The following HSPG2 variants were observed in gnomAD, a reference collection of about 807,000 sequenced individuals.
The protein encoded by HSPG2 is basement membrane-specific heparan sulfate proteoglycan core protein.
In HSPG2, 278 loss-of-function variants were observed where a neutral mutation model predicts 526.6. That is an observed-to-expected ratio of 0.53 (90% CI 0.48 to 0.58). The LOEUF is 0.58. Among genes scored for constraint, HSPG2 ranks in the 20% least tolerant of loss-of-function variants. The probability of loss-of-function intolerance (pLI) is 0.00; values close to 1 mark genes in which losing one functional copy is unlikely to be tolerated. For synonymous variants in HSPG2, 2,465 were observed against 2,555.4 expected, an observed-to-expected ratio of 0.96 and a Z score of 1.07; for missense variants, 5,354 against 6,099.5, an observed-to-expected ratio of 0.88 and a Z score of 4.07.
intron 87 of HSPG2, 149 bp from the exon 88 acceptor site, chr1:21,829,228 G>A (rs1244004444): frequency 2.9e-6 from 4 of 1,386,122 alleles, no homozygotes; most frequent in Non-Finnish European, 4.0e-6. Context: ...GAGGGCTAGG[G>A]ATTGGCCTCA....
rs1340989694 is a variant in HSPG2, at chr1:21,881,339, C to A, written c.1818G>T (p.Lys606Asn). Residue 606 changes from lysine (K) to asparagine (N), a missense_variant and splice_region_variant, in exon 14 of 97, where the codon AAG becomes AAT. Physicochemically the swap from Lys to Asn is moderately conservative, Grantham distance 94 (BLOSUM62 0). Transcript: ENST00000374695. ...WALPEQFLGN[K>N]VDSYGGSLRY... ...CAGGGTGGCAGCCCAGGCCCCTCACCTTGTTGCCCAGGAACTGTTCAGGCA... is the reference window on the plus strand; with the variant it reads ...CAGGGTGGCAGCCCAGGCCCCTCACATTGTTGCCCAGGAACTGTTCAGGCA... 1.9e-6 allele frequency: 3 copies of A among 1,613,476 alleles called. No individual in the cohort carries two copies. The highest frequency in any genetic ancestry group is 1.7e-5 in the Admixed American group (1 of 59,966).
chr1:21,872,743 G>A lies in HSPG2; in HGVS notation c.3906C>T (p.Leu1302=). The A allele has an allele frequency of 6.2e-7, 1 of 1,609,414 alleles. No individual in the cohort carries two copies. Among genetic ancestry groups the A allele is most frequent in the Non-Finnish European group, 8.5e-7 (1 of 1,178,620 alleles). Residue 1302 remains leucine (L), a synonymous_variant, in exon 32 of 97, where the codon CTC becomes CTT. Transcript: ENST00000374695. The surrounding 1 kb of genome is among the most constrained non-coding windows in gnomAD (Gnocchi z 5.5). ...GGTGGGGCCGGCAGTGGCTGCAAGTGAGGCCTTCCACCTGGGCCTGGGTAG... is the reference window on the plus strand; with the variant it reads ...GGTGGGGCCGGCAGTGGCTGCAAGTAAGGCCTTCCACCTGGGCCTGGGTAG... The part of the protein sequence containing the change: ...QCQCKAQVEG[L]TCSHCRPHHF...
At position 21,834,671 on chromosome 1, in the gene HSPG2, G is replaced by A; in HGVS notation, c.10720+8C>T. 6.2e-7 allele frequency: 1 copy of A among 1,613,946 alleles called. No individual in the cohort carries two copies. Reference sequence around the variant, plus strand: ...TGTCCCCCAACAAAAGTCCCCACTGGCCTTCACCTTGCACAAGCAGCAGGA... The same window carrying A: ...TGTCCCCCAACAAAAGTCCCCACTGACCTTCACCTTGCACAAGCAGCAGGA... On this transcript the variant is annotated splice_region_variant and intron_variant, in intron 77 of 96. Transcript: ENST00000374695.
At position 21,828,936 on chromosome 1, in the gene HSPG2, G is replaced by A; in HGVS notation, c.12136C>T (p.Leu4046Phe). 6.4e-7 allele frequency: 1 copy of A among 1,572,256 alleles called. No homozygotes were observed. Among genetic ancestry groups the A allele is most frequent in the Non-Finnish European group, 8.6e-7 (1 of 1,158,850 alleles). Residue 4046 changes from leucine to phenylalanine, a missense_variant, in exon 88 of 97, where the codon CTC becomes TTC. By Grantham distance (22) the Leu-to-Phe change is conservative (BLOSUM62 0). Transcript: ENST00000374695. This position sits in a 1 kb window ranked among gnomAD's most constrained non-coding sequence, Gnocchi z 6.0. The stretch of plus-strand genomic sequence containing the variant: ...AGGTAGAGCAGGGTGTGCAGGTTGA[G>A]GCCCTGGCTCTTGCCGGGCGAGGAG... ...LRSSPGKSQG[L>F]NLHTLLYLGG... is the part of the protein sequence containing the mutation.
intron 21 of HSPG2, 68 bp downstream of exon 21, chr1:21,878,118 C>T: frequency 4.2e-6 from 6 of 1,437,344 alleles, no homozygotes; most frequent in Non-Finnish European, 4.9e-6. Flanking sequence ...ACGGAGCTTC[C>T]TTCTTCCTCC....
At chr1:21,921,839 A>C (rs1224130781) in intron 1 of HSPG2, among the ~76,000 whole-genome samples, 1 of 152,202 alleles carries the variant, frequency 6.6e-6, no homozygotes, top group African/African-American at 2.4e-5. Flanking sequence ...TGCTATCCCT[A>C]GGGAAGGTCC....
chr1:21,852,199 G>A lies in HSPG2; in HGVS notation c.6759C>T (p.Ser2253=), dbSNP rs369871491. The A allele has an allele frequency of 2.4e-5, 38 of 1,613,992 alleles. No homozygotes were observed. The highest frequency in any genetic ancestry group is 1.7e-4 in the Admixed American group (10 of 60,010). The change falls in exon 53 of 97, where the codon TCC becomes TCT. Residue 2253 remains serine (S), a synonymous_variant. Transcript: ENST00000374695. The part of the protein sequence containing the change: ...PIPPVRIESS[S]STVAEGQTLD... ...GGGTCTGGCCCTCGGCCACTGTGGA[G>A]GATGAAGACTCGATCCTGACAGGTG...
At chr1:21,854,580 G>C (rs1420401985) in intron 49 of HSPG2, 31 bp downstream of exon 49, 1 of 1,540,096 alleles carries the variant, frequency 6.5e-7, no homozygotes, top group Admixed American at 2.0e-5. Flanking sequence ...TGCACCCTGG[G>C]TCCCCTGCCA....
At position 21,854,243 on chromosome 1, in the gene HSPG2, A is replaced by C; in HGVS notation, c.6389T>G (p.Ile2130Ser). ...GGTGCCGTGGAGCACAGACACAGTA[A>C]TGGAGGCCTCCTTGGGGCCCGATCC... ...ENGSGPKEAS[I>S]TVSVLHGTHS... The change falls in exon 50 of 97, where the codon ATT (isoleucine) becomes AGT (serine). Residue 2130 changes from isoleucine (I) to serine (S), a missense_variant. Coordinates refer to ENST00000374695, the MANE Select transcript of HSPG2 (RefSeq NM_005529.7). The C allele has an allele frequency of 6.3e-7, 1 of 1,596,586 alleles. No homozygotes were observed. Among genetic ancestry groups the C allele is most frequent in the Non-Finnish European group, 8.5e-7 (1 of 1,171,324 alleles).
chr1:21,920,490 C>T (rs1370367552), intron 1 of HSPG2, among the ~76,000 whole-genome samples: 1 of 152,232 alleles, frequency 6.6e-6, no homozygotes, highest in African/African-American at 2.4e-5. Context: ...AGGCGCTGGG[C>T]CATCACTTTC....
At chr1:21,870,797 C>G (rs990316009) in intron 33 of HSPG2, 2 of 985,494 alleles carry the variant, frequency 2.0e-6, no homozygotes, top group African/African-American at 3.5e-5. Context: ...CCACGCCCCA[C>G]CACACCAACT....
chr1:21,836,726 C>G, intron 75 of HSPG2, 76 bp downstream of exon 75: 1 of 1,288,692 alleles, frequency 7.8e-7, no homozygotes, highest in Non-Finnish European at 1.1e-6. Context: ...CCCCCTGGGG[C>G]AGGTGCTTTA....
intron 47 of HSPG2, 119 bp from the exon 48 acceptor site, chr1:21,855,102 G>A (rs1443552361): frequency 7.2e-7 from 1 of 1,396,492 alleles, no homozygotes. Flanking sequence ...GCCCAGTGGG[G>A]CATGAAGGAG....
In HSPG2 at chr1:21,831,002, T is replaced by A; in HGVS notation, c.11651A>T (p.Gln3884Leu). The change falls in exon 85 of 97, where the codon CAG becomes CTG. Residue 3884 changes from glutamine to leucine, a missense_variant. Transcript: ENST00000374695. ...CGTACCTGGATGGCAGTGCAGGGCC[T>A]GCGAGTGCTCACAGCGGCTCCCGGT... Reference protein sequence around the residue: ...GFTGSRCEHSQALHCHPEACG... With the variant: ...GFTGSRCEHSLALHCHPEACG... 6.3e-7 allele frequency: 1 copy of A among 1,585,158 alleles called. No individual in the cohort carries two copies. Among genetic ancestry groups the A allele is most frequent in the Non-Finnish European group, 8.6e-7 (1 of 1,165,508 alleles).
intron 64 of HSPG2, among the ~76,000 whole-genome samples, chr1:21,845,161 G>A (rs1257185708): frequency 2.0e-5 from 3 of 152,076 alleles, no homozygotes; most frequent in Admixed American, 6.5e-5. Flanking sequence ...CAGGAGAATC[G>A]CTTGAACCCC....
In HSPG2 at chr1:21,878,207, G is replaced by A. The variant is rs560919408; in HGVS notation, c.2664C>T (p.Ser888=). ...GTACCTTACAGCGGCAGGCCTCCCC[G>A]GAGGTCCCCATGCTGCCACGCTCGT... ...RCDERGSMGT[S]GEACRCKNNV... Residue 888 remains serine, a synonymous_variant, in exon 21 of 97, where the codon TCC becomes TCT. Transcript: ENST00000374695. 3.8e-5 allele frequency: 62 copies of A among 1,613,576 alleles called. No homozygotes were observed. Among genetic ancestry groups the A allele is most frequent in the South Asian group, 3.4e-4 (31 of 91,060 alleles).
At chr1:21,932,556 A>C (rs1644374870) in intron 1 of HSPG2, among the ~76,000 whole-genome samples, 1 of 152,216 alleles carries the variant, frequency 6.6e-6, no homozygotes, top group Admixed American at 6.5e-5. Flanking sequence ...GAGCAGGAGG[A>C]AGCAGATAAA....
At chr1:21,883,856 C>T (rs1024085548) in intron 13 of HSPG2, among the ~76,000 whole-genome samples, 4 of 152,238 alleles carry the variant, frequency 2.6e-5, no homozygotes, top group Non-Finnish European at 5.9e-5. Context: ...TCCTGCCATT[C>T]TGCCTCTCAG....
Position 21,864,286 on chromosome 1 carries a change from C to T in HSPG2, c.4627-73G>A, listed in dbSNP as rs1407373287. On this transcript the variant is annotated intron_variant, in intron 36 of 96. Transcript: ENST00000374695. This position sits in a 1 kb window ranked among gnomAD's most constrained non-coding sequence, Gnocchi z 4.8. The stretch of plus-strand genomic sequence containing the variant: ...CACAGCCAGCAGACCCAGAACCCCT[C>T]CCTCCAGTGTCCTCCCAGGGGTGAC... The T allele has an allele frequency of 1.6e-6, 2 of 1,221,366 alleles. No homozygotes were observed. Among genetic ancestry groups the T allele is most frequent in the East Asian group, 2.5e-5 (1 of 39,432 alleles). The allele number at this position is 1,221,366 out of a possible 1,614,324, so 75.7% of individuals were successfully genotyped here. A position where few individuals can be genotyped will look rare whatever the true frequency, so the allele number is the denominator to read the frequency against.
Sources: gnomAD v4.1 joint callset for allele counts (sites outside exome capture counted in the v4.1 genomes callset) on GRCh38, gnomAD v4.1.1 for gene constraint, Gnocchi (gnomAD v3.1) non-coding constraint, MANE v1.5 for transcripts, NCBI Gene and HGNC (gene_info 2026-07-23, HGNC 2026-07-21) for gene names.